The following VIPR2 variants were observed in gnomAD, a reference collection of about 807,000 sequenced individuals.
The protein encoded by VIPR2 is vasoactive intestinal peptide receptor 2.
Under a neutral mutation model 58.0 loss-of-function variants are expected in VIPR2, and 48 were observed. The ratio of observed to expected loss-of-function variants is 0.83; its 90% CI spans 0.66 to 1.05. VIPR2 has a LOEUF of 1.05. VIPR2 is among the 50% of genes least tolerant of loss of function. The pLI is 0.00. For synonymous variants in VIPR2, 243 were observed against 235.2 expected (o/e 1.03, Z -0.30); for missense variants, 534 against 558.0 (o/e 0.96, Z 0.43).
chr7:159,104,187 T>C (rs765662179), intron 3 of VIPR2, among the ~76,000 whole-genome samples: 1 of 152,170 alleles, frequency 6.6e-6, no homozygotes, highest in Admixed American at 6.5e-5. Context: ...GTGATATTTA[T>C]AGCCAAGCCC....
chr7:159,050,145 T>C (rs1854901805), intron 5 of VIPR2, among the ~76,000 whole-genome samples: 1 of 152,070 alleles, frequency 6.6e-6, no homozygotes, highest in African/African-American at 2.4e-5. Context: ...GAGACCAGCC[T>C]GGCCCACATG....
intron 2 of VIPR2, among the ~76,000 whole-genome samples, chr7:159,132,768 T>TTAGA (rs1796981610): frequency 7.1e-6 from 1 of 140,884 alleles, no homozygotes; most frequent in African/African-American, 2.5e-5. Context: ...CAGACTGATT[T>TTAGA]CAGACAGAAT....
At chr7:159,130,931 C>T (rs1470449599) in intron 2 of VIPR2, among the ~76,000 whole-genome samples, 1 of 152,178 alleles carries the variant, frequency 6.6e-6, no homozygotes, top group Admixed American at 6.5e-5. Context: ...GCACTACAAA[C>T]GGCAGGATAC....
rs1042621 is a variant in VIPR2 at position 159,030,655 on chromosome 7, G to A, written c.1278C>T (p.Arg426=). The change falls in exon 13 of 13, where the codon CGC becomes CGT. Residue 426 remains arginine, a synonymous_variant. Coordinates refer to ENST00000262178, the MANE Select transcript of VIPR2 (RefSeq NM_003382.5). ...EGALQFHRGS[R]AQSFLQTETS... The stretch of plus-strand genomic sequence containing the variant: ...TCTCCGTTTGCAGGAAGGACTGGGC[G>A]CGGGAGCCGCGGTGGAACTGCAGGG... 6.4e-7 allele frequency: 1 copy of A among 1,558,794 alleles called. No homozygotes were observed. Among genetic ancestry groups the A allele is most frequent in the Non-Finnish European group, 8.7e-7 (1 of 1,152,810 alleles).
intron 9 of VIPR2, 79 bp from the exon 10 acceptor site, chr7:159,034,383 C>G: frequency 7.0e-7 from 1 of 1,426,768 alleles, no homozygotes; most frequent in Non-Finnish European, 9.7e-7. Flanking sequence ...TTTCGACCCT[C>G]CCCTCCGCTC....
chr7:159,100,599 C>T lies in VIPR2; in HGVS notation c.357+3158G>A, dbSNP rs551645820. Among the ~76,000 whole-genome samples the T allele has an allele frequency of 1.9e-4, 29 of 152,368 alleles. 2 individuals are homozygous for T. The South Asian group carries it at 4.8e-3, about 25-fold the overall frequency. ...ACGTGATATGGTTTTCCTGTGTCCC[C>T]GCCCAAATCTCATATTGAATTGTAG... On this transcript the variant is annotated intron_variant, in intron 4 of 12. Transcript: ENST00000262178.
chr7:159,136,722 G>T (rs1273006513), intron 2 of VIPR2, among the ~76,000 whole-genome samples: 1 of 152,156 alleles, frequency 6.6e-6, no homozygotes, highest in East Asian at 1.9e-4. Context: ...AAAGGAGGAG[G>T]CCCCGACAGA....
At chr7:159,063,303 C>T (rs1855829463) in intron 4 of VIPR2, among the ~76,000 whole-genome samples, 2 of 152,244 alleles carry the variant, frequency 1.3e-5, no homozygotes, top group Admixed American at 1.3e-4. Context: ...AGCTGAGGCC[C>T]CGCGAGAATT....
intron 2 of VIPR2, 103 bp downstream of exon 2, chr7:159,142,343 T>TC (rs1316494295): frequency 1.2e-6 from 1 of 805,378 alleles, no homozygotes; most frequent in Admixed American, 2.5e-5. Context: ...TTTTCTTTTT[T>TC]TTTTTTTAAG....
intron 2 of VIPR2, 143 bp downstream of exon 2, chr7:159,142,303 C>A (rs1218319377): frequency 1.3e-5 from 8 of 616,022 alleles, no homozygotes; most frequent in Middle Eastern, 3.4e-4. Context: ...ACCAGTAGTT[C>A]ATTAACAAAC....
At chr7:159,036,485 A>G (rs1203502743) in intron 7 of VIPR2, among the ~76,000 whole-genome samples, 1 of 152,110 alleles carries the variant, frequency 6.6e-6, no homozygotes, top group Admixed American at 6.5e-5. Context: ...CGGAGGAGGA[A>G]ACCGTTTTGT....
At chr7:159,121,355 C>T (rs995424567) in intron 2 of VIPR2, among the ~76,000 whole-genome samples, 1 of 152,126 alleles carries the variant, frequency 6.6e-6, no homozygotes, top group Non-Finnish European at 1.5e-5. Context: ...GGGGGAGAGA[C>T]ATGACATTCC....
intron 5 of VIPR2, among the ~76,000 whole-genome samples, chr7:159,043,646 C>G (rs751577306): frequency 2.0e-5 from 3 of 152,178 alleles, no homozygotes; most frequent in Non-Finnish European, 4.4e-5. Context: ...CCTTTTCCAC[C>G]CCACCCCAAC....
intron 2 of VIPR2, among the ~76,000 whole-genome samples, chr7:159,132,700 C>A (rs1389738856): frequency 1.3e-5 from 2 of 152,118 alleles, no homozygotes; most frequent in Non-Finnish European, 2.9e-5. Context: ...CGGGCTCATT[C>A]AAGAACAAGG....
intron 1 of VIPR2, among the ~76,000 whole-genome samples, chr7:159,143,805 G>T (rs1284185676): frequency 6.6e-6 from 1 of 152,266 alleles, no homozygotes; most frequent in Non-Finnish European, 1.5e-5. Context: ...AGCAATGAAA[G>T]CAGCATTAAC....
chr7:159,073,073 A>T (rs2129494624), intron 4 of VIPR2, among the ~76,000 whole-genome samples: 1 of 152,366 alleles, frequency 6.6e-6, no homozygotes, highest in Middle Eastern at 3.4e-3. Context: ...GGTACACATT[A>T]TTCCTAGGAT....
chr7:159,077,820 T>C (rs544844153), intron 4 of VIPR2, among the ~76,000 whole-genome samples: 1 of 152,370 alleles, frequency 6.6e-6, no homozygotes, highest in South Asian at 2.1e-4. Flanking sequence ...TATCAGATTC[T>C]AGCCCTGTTC....
At chr7:159,042,949 C>T (rs1854435787) in intron 6 of VIPR2, 86 bp downstream of exon 6, 11 of 1,501,246 alleles carry the variant, frequency 7.3e-6, no homozygotes, top group Non-Finnish European at 9.9e-6. Flanking sequence ...GAACCCTGCA[C>T]CAGCACAGAG....
At position 159,127,083 on chromosome 7, in the gene VIPR2, C is replaced by T. The variant is rs568223324; in HGVS notation, c.151+15363G>A. Among the ~76,000 whole-genome samples the T allele has an allele frequency of 3.3e-5, 5 of 152,286 alleles. No individual in the cohort carries two copies. The highest frequency in any genetic ancestry group is 3.9e-4 in the East Asian group (2 of 5,174). On this transcript the variant is annotated intron_variant, in intron 2 of 12. Coordinates refer to ENST00000262178, the MANE Select transcript of VIPR2 (RefSeq NM_003382.5). This position sits in a 1 kb window ranked among gnomAD's most constrained non-coding sequence, Gnocchi z 4.6. ...CCCACAGCAGAGCGCGGTCTCCAAACGTGTTTAGAATGCTGCAGAGGATAC... is the reference window on the plus strand; with the variant it reads ...CCCACAGCAGAGCGCGGTCTCCAAATGTGTTTAGAATGCTGCAGAGGATAC...
Sources: gnomAD v4.1 joint callset for allele counts (sites outside exome capture counted in the v4.1 genomes callset) on GRCh38, gnomAD v4.1.1 for gene constraint, Gnocchi (gnomAD v3.1) non-coding constraint, MANE v1.5 for transcripts, NCBI Gene and HGNC (gene_info 2026-07-23, HGNC 2026-07-21) for gene names.